Variants in TBX20 observed in about 807,000 individuals in gnomAD.
The protein encoded by TBX20 is T-box transcription factor 20, also known as T-box transcription factor TBX20.
Under a neutral mutation model 42.9 loss-of-function variants are expected in TBX20, and 8 were observed. That is an observed-to-expected ratio of 0.19 (90% CI 0.11 to 0.34). TBX20 has a LOEUF of 0.34. Ranked by LOEUF, TBX20 falls within the 10% of genes least tolerant of loss-of-function variation. The probability of loss-of-function intolerance (pLI) is 1.00; values close to 1 mark genes in which losing one functional copy is unlikely to be tolerated. For missense variants in TBX20, 411 were observed against 566.0 expected (o/e 0.73, Z 2.78); for synonymous variants, 198 against 222.8 (o/e 0.89, Z 0.99).
chr7:35,224,130 C>T (rs550951042), intron 6 of TBX20, among the ~76,000 whole-genome samples: 3 of 152,222 alleles, frequency 2.0e-5, no homozygotes, highest in East Asian at 3.9e-4. Flanking sequence ...GAATACTGCA[C>T]CCAGGTGAAT....
chr7:35,252,367 A>C (rs984664352), intron 1 of TBX20, among the ~76,000 whole-genome samples: 1 of 147,196 alleles, frequency 6.8e-6, no homozygotes, highest in Admixed American at 7.1e-5. Flanking sequence ...GGGGGTGAAA[A>C]CTTAGAGGAC....
At chr7:35,243,666 A>C (rs10280486) in intron 4 of TBX20, among the ~76,000 whole-genome samples, 55,326 of 151,904 alleles carry the variant, frequency 0.36, 10,414 homozygotes, top group Admixed American at 0.46. Context: ...TAAATTCTAA[A>C]CTGAAAAAAA....
intron 6 of TBX20, among the ~76,000 whole-genome samples, chr7:35,229,987 C>CA (rs1554286270): frequency 2.0e-5 from 3 of 151,682 alleles, no homozygotes; most frequent in Non-Finnish European, 4.4e-5. Context: ...TAAGCCCTAA[C>CA]TTTTTTTTTC....
intron 6 of TBX20, among the ~76,000 whole-genome samples, chr7:35,228,325 T>C (rs1294880058): frequency 2.0e-5 from 3 of 152,126 alleles, no homozygotes; most frequent in Non-Finnish European, 4.4e-5. Context: ...TCTATTTATA[T>C]TAAGGGGAAA....
chr7:35,210,114 CTTT>C (rs1254082002), intron 6 of TBX20, among the ~76,000 whole-genome samples: 4 of 127,618 alleles, frequency 3.1e-5, no homozygotes, highest in East Asian at 2.2e-4. Context: ...ATAATATTTT[CTTT>C]TTTTTTTTTT....
intron 6 of TBX20, among the ~76,000 whole-genome samples, chr7:35,215,924 T>G (rs1789581605): frequency 6.6e-6 from 1 of 152,176 alleles, no homozygotes; most frequent in Admixed American, 6.5e-5. Flanking sequence ...CTGAAACTGG[T>G]TGCCCTTCCT....
At chr7:35,210,415 T>G (rs1460622141) in intron 6 of TBX20, among the ~76,000 whole-genome samples, 1 of 152,072 alleles carries the variant, frequency 6.6e-6, no homozygotes, top group Non-Finnish European at 1.5e-5. Context: ...GTGCCTGGCC[T>G]AATTTTAGAT....
At chr7:35,247,429 C>A (rs1399700291) in intron 3 of TBX20, among the ~76,000 whole-genome samples, 1 of 151,788 alleles carries the variant, frequency 6.6e-6, no homozygotes, top group Middle Eastern at 3.2e-3. Context: ...ATTTAATATA[C>A]TGATTTGAAA....
intron 6 of TBX20, among the ~76,000 whole-genome samples, chr7:35,210,913 G>A (rs566636005): frequency 1.7e-3 from 255 of 152,180 alleles, no homozygotes; most frequent in Non-Finnish European, 2.5e-3. Flanking sequence ...TTAAGTTGAA[G>A]TCTGGCTATT....
intron 5 of TBX20, among the ~76,000 whole-genome samples, chr7:35,235,625 T>C (rs1789950529): frequency 1.3e-5 from 2 of 152,248 alleles, no homozygotes; most frequent in Non-Finnish European, 2.9e-5. Flanking sequence ...AGTGTGGGTC[T>C]ACATATATCC....
At chr7:35,223,649 T>C (rs1789720807) in intron 6 of TBX20, among the ~76,000 whole-genome samples, 1 of 152,152 alleles carries the variant, frequency 6.6e-6, no homozygotes, top group Non-Finnish European at 1.5e-5. Flanking sequence ...CCAAGGAAGA[T>C]GAGGTCTGAG....
chr7:35,208,742 CAAAAAAAAAAAAAAAAAAAAAAAAAAA>C (rs766060288), intron 6 of TBX20, among the ~76,000 whole-genome samples: 2 of 21,118 alleles, frequency 9.5e-5, no homozygotes, highest in Admixed American at 1.8e-3. Context: ...AACTCCGTCT[CAAAAAAAAAAAAAAAAAAAAAAAAAAA>C]AAAAAAAAAA....
At chr7:35,247,158 T>C (rs556003597) in intron 3 of TBX20, among the ~76,000 whole-genome samples, 91 of 101,214 alleles carry the variant, frequency 9.0e-4, no homozygotes, top group South Asian at 1.6e-3. Context: ...GAGGAAAGAC[T>C]GGAGGGCAAA....
intron 5 of TBX20, among the ~76,000 whole-genome samples, chr7:35,239,782 C>G (rs1185620880): frequency 6.6e-6 from 1 of 151,722 alleles, no homozygotes; most frequent in Non-Finnish European, 1.5e-5. Flanking sequence ...GGTGGGGTCT[C>G]GCTTTGTCAC....
chr7:35,247,530 G>A (rs1376572268), intron 3 of TBX20, among the ~76,000 whole-genome samples: 1 of 151,958 alleles, frequency 6.6e-6, no homozygotes, highest in East Asian at 1.9e-4. Context: ...CTTAGCATAC[G>A]ATAAACTCAA....
chr7:35,202,509 T>C lies in TBX20; in HGVS notation c.1265A>G (p.His422Arg). The change falls in exon 8 of 8, where the codon CAT (histidine) becomes CGT (arginine). Residue 422 changes from histidine (H) to arginine (R), a missense_variant. Physicochemically the swap from His to Arg is conservative, Grantham distance 29. Around this residue, in one of 5 missense-constraint regions of TBX20, gnomAD observed 162 missense variants for 205.4 expected, o/e 0.79. Transcript: ENST00000408931. ...TFPSFHMPRYHHYFQQGPYAA... is the reference protein window; with the variant it reads ...TFPSFHMPRYRHYFQQGPYAA... ...ATAGGGCCCCTGCTGAAAATAGTGA[T>C]GGTATCGCGGCATGTGGAATGAAGG... 1.2e-6 allele frequency: 2 copies of C among 1,609,954 alleles called. No homozygotes were observed. The highest frequency in any genetic ancestry group is 2.2e-5 in the East Asian group (1 of 44,672).
At chr7:35,233,709 A>T (rs1321591480) in intron 5 of TBX20, among the ~76,000 whole-genome samples, 2 of 152,250 alleles carry the variant, frequency 1.3e-5, no homozygotes, top group Admixed American at 6.5e-5. Flanking sequence ...AATATCAACA[A>T]GATTTTTAAA....
rs768119874 is a variant in TBX20 at position 35,202,599 on chromosome 7, C to G, written c.1175G>C (p.Arg392Pro). ...PIQGSLPPYS[R>P]LGMPLTPSAI... ...CGATGGTGTCAGAGGCATTCCCAGT[C>G]GGCTATATGGTGGCAGAGAACCCTG... Residue 392 changes from arginine to proline, a missense_variant, in exon 8 of 8, where the codon CGA becomes CCA. Transcript: ENST00000408931. The G allele has an allele frequency of 1.2e-6, 2 of 1,613,916 alleles. No homozygotes were observed. Among genetic ancestry groups the G allele is most frequent in the Non-Finnish European group, 1.7e-6 (2 of 1,179,908 alleles).
chr7:35,210,114 C>CTT (rs1254082002), intron 6 of TBX20, among the ~76,000 whole-genome samples: 39 of 127,622 alleles, frequency 3.1e-4, no homozygotes, highest in African/African-American at 8.3e-4. Flanking sequence ...ATAATATTTT[C>CTT]TTTTTTTTTT....
Sources: allele counts gnomAD v4.1 joint callset (sites outside exome capture counted in the v4.1 genomes callset), GRCh38; gene constraint gnomAD v4.1.1; regional missense constraint gnomAD v4.1.1; transcripts MANE v1.5; gene names NCBI Gene and HGNC (gene_info 2026-07-23, HGNC 2026-07-21).